ROBO2: variants seen among roughly 807,000 people sequenced by gnomAD.
The protein encoded by ROBO2 is roundabout guidance receptor 2, also known as roundabout homolog 2.
ROBO2 carries 53 observed loss-of-function variants against 160.8 expected under a neutral mutation model. The observed-to-expected ratio is 0.33, with a 90% CI of 0.26 to 0.41. ROBO2 has a LOEUF of 0.41. Among genes scored for constraint, ROBO2 ranks in the 10% least tolerant of loss-of-function variants. ROBO2 has a pLI of 1.00. For missense variants in ROBO2, 1,577 were observed against 1,722.4 expected (o/e 0.92, Z 1.49); for synonymous variants, 664 against 611.7 (o/e 1.09, Z -1.26).
At chr3:76,716,671 C>T (rs2107664269) in intron 2 of ROBO2, among the ~76,000 whole-genome samples, 1 of 152,236 alleles carries the variant, frequency 6.6e-6, no homozygotes, top group African/African-American at 2.4e-5. Context: ...CAGCTTGAGC[C>T]TTCTCTATAG....
At chr3:76,101,923 A>C (rs561172577) in intron 2 of ROBO2, among the ~76,000 whole-genome samples, 1 of 94,444 alleles carries the variant, frequency 1.1e-5, no homozygotes, top group Non-Finnish European at 2.1e-5. Context: ...ATTGTACCCC[A>C]GGGTGTGATG....
chr3:76,220,063 A>C (rs1312595965), intron 2 of ROBO2, among the ~76,000 whole-genome samples: 1 of 151,934 alleles, frequency 6.6e-6, no homozygotes, highest in African/African-American at 2.4e-5. Context: ...CATTCTCAGC[A>C]AACTATGGCA....
At chr3:76,325,706 A>G (rs1338338403) in intron 2 of ROBO2, among the ~76,000 whole-genome samples, 1 of 150,800 alleles carries the variant, frequency 6.6e-6, no homozygotes, top group Non-Finnish European at 1.5e-5. Context: ...ATAAGAATAA[A>G]AGGCCAAATT....
At chr3:77,385,177 G>C (rs920793531) in intron 2 of ROBO2, among the ~76,000 whole-genome samples, 3 of 151,970 alleles carry the variant, frequency 2.0e-5, no homozygotes, top group Non-Finnish European at 4.4e-5. Flanking sequence ...TTACTGGTGC[G>C]CACAACCACA....
At chr3:77,098,736 G>T (rs1443955310) in intron 2 of ROBO2, among the ~76,000 whole-genome samples, 1 of 151,988 alleles carries the variant, frequency 6.6e-6, no homozygotes, top group African/African-American at 2.4e-5. Context: ...GGCGCCTGTA[G>T]TCCCAGCTAC....
At chr3:76,912,321 T>C (rs1424823955) in intron 2 of ROBO2, among the ~76,000 whole-genome samples, 10 of 152,156 alleles carry the variant, frequency 6.6e-5, no homozygotes. Context: ...TATTCAGAAA[T>C]AAGATACAGA....
intron 2 of ROBO2, among the ~76,000 whole-genome samples, chr3:76,934,956 CAA>C: frequency 1.1e-5 from 1 of 90,630 alleles, no homozygotes; most frequent in South Asian, 3.9e-4. Flanking sequence ...TCAGGCTTCA[CAA>C]ATTTTTTTTT....
intron 2 of ROBO2, among the ~76,000 whole-genome samples, chr3:76,150,279 C>T (rs1003729018): frequency 2.0e-5 from 3 of 149,712 alleles, no homozygotes; most frequent in African/African-American, 7.4e-5. Flanking sequence ...TTAAAACACT[C>T]ATCTGTCTAA....
At position 76,936,545 on chromosome 3, in the gene ROBO2, T is replaced by C. The variant is rs186443017; in HGVS notation, c.110-161469T>C. ...GGTGTGACCTGAAGGATTTATGAGG[T>C]ATTAAAAGCAAGGACTGATAAATTA... On this transcript the variant is annotated intron_variant, in intron 2 of 26. Transcript: ENST00000487694. Among the ~76,000 whole-genome samples the C allele has an allele frequency of 7.1e-3, 1,075 of 152,024 alleles. 12 individuals carry two copies. Among genetic ancestry groups the C allele is most frequent in the Non-Finnish European group, 8.9e-3 (607 of 67,994 alleles).
At chr3:76,344,690 G>T (rs969805169) in intron 2 of ROBO2, among the ~76,000 whole-genome samples, 1 of 152,100 alleles carries the variant, frequency 6.6e-6, no homozygotes, top group African/African-American at 2.4e-5. Flanking sequence ...TTAATCTAGT[G>T]GATTTGGTTT....
At position 77,119,487 on chromosome 3, in the gene ROBO2, C is replaced by T. The variant is rs957093795; in HGVS notation, c.388+21147C>T. 2.6e-5 allele frequency among the ~76,000 whole-genome samples: 4 copies of T among 152,288 alleles called. No homozygotes were observed. In the East Asian group the frequency reaches 5.8e-4, roughly 22 times the overall value. ...ACATGGATCAAACCAGTAGCATGAA[C>T]ACTTGTTCTTCCATCAAAATTAATC... On this transcript the variant is annotated intron_variant, in intron 2 of 25. Transcript: ENST00000461745.
At chr3:76,469,621 C>A (rs903541216) in intron 2 of ROBO2, among the ~76,000 whole-genome samples, 10 of 152,070 alleles carry the variant, frequency 6.6e-5, no homozygotes, top group Middle Eastern at 3.4e-3. Context: ...GTGTCATTTG[C>A]CCTGTGTTTA....
Position 76,495,815 on chromosome 3 carries a change from G to C in ROBO2, c.109+558213G>C, listed in dbSNP as rs140456072. Among the ~76,000 whole-genome samples the C allele has an allele frequency of 2.7e-3, 404 of 152,168 alleles. 7 individuals are homozygous for C. The highest frequency in any genetic ancestry group is 9.5e-3 in the African/African-American group (395 of 41,512). ...TGTGAGATAAATCCAGTGTCAGTCT[G>C]GGTATTTCTTTTACATCAATAATTT... On this transcript the variant is annotated intron_variant, in intron 2 of 26. Coordinates refer to the ROBO2 transcript ENST00000487694.
intron 2 of ROBO2, among the ~76,000 whole-genome samples, chr3:77,380,679 C>T (rs1359616533): frequency 6.8e-6 from 1 of 147,738 alleles, no homozygotes; most frequent in African/African-American, 2.5e-5. Context: ...CTCTCTCCCT[C>T]CTTCCCTCCC....
intron 1 of ROBO2, among the ~76,000 whole-genome samples, chr3:77,045,919 G>T (rs1156890315): frequency 6.6e-6 from 1 of 151,978 alleles, no homozygotes; most frequent in Admixed American, 6.6e-5. Context: ...TGTTTTTAAG[G>T]GTCATCCGTG....
intron 2 of ROBO2, among the ~76,000 whole-genome samples, chr3:76,808,083 G>A (rs987908170): frequency 3.3e-5 from 5 of 152,120 alleles, no homozygotes; most frequent in Admixed American, 1.3e-4. Context: ...TAAATATAAT[G>A]TACTTGAAGG....
At chr3:76,035,691 C>T (rs1016242185) in intron 2 of ROBO2, among the ~76,000 whole-genome samples, 2 of 151,904 alleles carry the variant, frequency 1.3e-5, no homozygotes, top group African/African-American at 2.4e-5. Context: ...CATATTGCAC[C>T]GAGTATGTTT....
intron 2 of ROBO2, among the ~76,000 whole-genome samples, chr3:76,625,227 C>T (rs937535603): frequency 6.9e-6 from 1 of 144,640 alleles, no homozygotes; most frequent in Admixed American, 7.3e-5. Context: ...TCATAAATCT[C>T]TCAAGCCAGC....
At chr3:77,035,170 T>C (rs1056222835), upstream of ROBO2, among the ~76,000 whole-genome samples, 1 of 151,918 alleles carries the variant, frequency 6.6e-6, no homozygotes, top group Non-Finnish European at 1.5e-5. Flanking sequence ...AAAGAACTCC[T>C]TTTTAATTTT....
Sources: allele counts gnomAD v4.1 joint callset (sites outside exome capture counted in the v4.1 genomes callset), GRCh38; gene constraint gnomAD v4.1.1; transcripts MANE v1.5; gene names NCBI Gene and HGNC (gene_info 2026-07-23, HGNC 2026-07-21).